TTC3: variants seen among roughly 807,000 people sequenced by gnomAD.
The protein encoded by TTC3 is E3 ubiquitin-protein ligase TTC3.
Under a neutral mutation model 249.6 loss-of-function variants are expected in TTC3, and 180 were observed. The ratio of observed to expected loss-of-function variants is 0.72; its 90% CI spans 0.64 to 0.82. The LOEUF is 0.82. TTC3 is among the 40% of genes least tolerant of loss of function. The pLI is 0.00. For synonymous variants in TTC3, 717 were observed against 805.0 expected (o/e 0.89, Z 1.85); for missense variants, 2,061 against 2,398.4 (o/e 0.86, Z 2.94).
intron 44 of TTC3, among the ~76,000 whole-genome samples, chr21:37,199,184 G>T (rs1354147693): frequency 6.6e-6 from 1 of 152,170 alleles, no homozygotes; most frequent in Non-Finnish European, 1.5e-5. Flanking sequence ...CAGCCTTGGG[G>T]TGATGCCTCC....
At position 37,088,737 on chromosome 21, in the gene TTC3, A is replaced by G. The variant is rs149871254; in HGVS notation, c.339-62A>G. ...TGGTTTGAGATATATAGCTAAGCAT[A>G]AAGTTCAATGAATTTGTATATATGA... On this transcript the variant is annotated intron_variant, in intron 4 of 45. Transcript: ENST00000355666. 3.8e-4 allele frequency: 549 copies of G among 1,453,198 alleles called. 3 individuals carry two copies. The African/African-American group carries it at 5.7e-3, about 15-fold the overall frequency. 90.0% of individuals were successfully genotyped at this position (1,453,198 alleles called of 1,614,324 possible).
intron 37 of TTC3, among the ~76,000 whole-genome samples, chr21:37,186,357 G>T (rs767325216): frequency 2.0e-5 from 3 of 151,988 alleles, no homozygotes; most frequent in Non-Finnish European, 2.9e-5. Flanking sequence ...TTTTCCCTTT[G>T]GGTTCTGTCC....
intron 15 of TTC3, among the ~76,000 whole-genome samples, chr21:37,127,197 G>T (rs1370197824): frequency 2.0e-5 from 3 of 152,128 alleles, no homozygotes; most frequent in Non-Finnish European, 4.4e-5. Flanking sequence ...TTCATGAGGG[G>T]ACAGCCTCAT....
intron 1 of TTC3, among the ~76,000 whole-genome samples, chr21:37,074,159 CA>C (rs138121931): frequency 0.053 from 7,994 of 152,246 alleles, 493 homozygotes; most frequent in African/African-American, 0.13. Flanking sequence ...GGAACGGACC[CA>C]GGAGGGGGGT....
chr21:37,117,835 C>CAAAAAAAAAAAAAAAAA (rs60664616), intron 11 of TTC3, among the ~76,000 whole-genome samples: 2 of 73,448 alleles, frequency 2.7e-5, no homozygotes, highest in African/African-American at 8.5e-5. Flanking sequence ...TGCGCCACTT[C>CAAAAAAAAAAAAAAAAA]AAAAAAAAAA....
At chr21:37,168,164 A>C (rs2081412662) in intron 34 of TTC3, among the ~76,000 whole-genome samples, 3 of 152,312 alleles carry the variant, frequency 2.0e-5, no homozygotes, top group Admixed American at 1.3e-4. Flanking sequence ...GTCTTGACCA[A>C]AACTAGTAAG....
intron 11 of TTC3, among the ~76,000 whole-genome samples, chr21:37,113,801 C>A (rs369430400): frequency 1.3e-5 from 2 of 152,202 alleles, no homozygotes; most frequent in Non-Finnish European, 2.9e-5. Flanking sequence ...TACAAGGCTA[C>A]AGTAACTAAA....
chr21:37,180,350 T>C (rs2082638669), intron 35 of TTC3, among the ~76,000 whole-genome samples: 1 of 152,168 alleles, frequency 6.6e-6, no homozygotes, highest in Non-Finnish European at 1.5e-5. Flanking sequence ...CTTTATCTGC[T>C]TAGCATTCTT....
chr21:37,197,509 G>A (rs2085046122), intron 42 of TTC3, 61 bp from the exon 43 acceptor site: 2 of 1,598,324 alleles, frequency 1.3e-6, no homozygotes, highest in African/African-American at 2.7e-5. Flanking sequence ...ATATTGGCAT[G>A]TAATATTTCT....
intron 1 of TTC3, among the ~76,000 whole-genome samples, chr21:37,074,411 G>A (rs895909875): frequency 1.3e-5 from 2 of 152,322 alleles, no homozygotes; most frequent in East Asian, 3.9e-4. Context: ...TTCCAGTGGC[G>A]CCCTGGACGC....
chr21:37,174,255 T>C (rs192028758), intron 35 of TTC3, among the ~76,000 whole-genome samples: 49 of 152,342 alleles, frequency 3.2e-4, no homozygotes, highest in African/African-American at 1.1e-3. Context: ...TTGTTAAGGC[T>C]TTGAGTCTGC....
intron 20 of TTC3, among the ~76,000 whole-genome samples, chr21:37,142,483 A>C (rs1438942333): frequency 6.6e-6 from 1 of 152,238 alleles, no homozygotes; most frequent in African/African-American, 2.4e-5. Context: ...CCAAATCATG[A>C]GTGAACTCCC....
chr21:37,165,498 A>C (rs939882827), intron 32 of TTC3, 52 bp from the exon 33 acceptor site: 1 of 1,383,514 alleles, frequency 7.2e-7, no homozygotes, highest in African/African-American at 1.5e-5. Flanking sequence ...TCAAATAGAC[A>C]TATTCAAGTA....
chr21:37,182,688 G>A, intron 35 of TTC3, 86 bp from the exon 36 acceptor site: 5 of 1,320,080 alleles, frequency 3.8e-6, no homozygotes, highest in Non-Finnish European at 5.1e-6. Flanking sequence ...TTTAAGCTAT[G>A]GCACCGTCAC....
chr21:37,121,397 C>T (rs2835609), intron 11 of TTC3: 19,256 of 155,956 alleles, frequency 0.12, 1,331 homozygotes, highest in Non-Finnish European at 0.14. Context: ...AAAAACTTCT[C>T]GATTTCCAGG....
intron 20 of TTC3, among the ~76,000 whole-genome samples, chr21:37,142,858 G>A (rs188146269): frequency 0.026 from 3,953 of 152,244 alleles, 89 homozygotes; most frequent in Non-Finnish European, 0.037. Context: ...CTACAAGGCT[G>A]CAGTAACCAA....
At chr21:37,077,338 G>A (rs1176629848) in intron 1 of TTC3, among the ~76,000 whole-genome samples, 1 of 151,942 alleles carries the variant, frequency 6.6e-6, no homozygotes, top group Non-Finnish European at 1.5e-5. Flanking sequence ...AAAAAAGGTT[G>A]AAATACCACC....
At chr21:37,134,269 GCGAAA>G (rs2077724302) in intron 17 of TTC3, among the ~76,000 whole-genome samples, 1 of 152,084 alleles carries the variant, frequency 6.6e-6, no homozygotes. Flanking sequence ...GGCCATCATG[GCGAAA>G]CCCCATCTCT....
At chr21:37,113,435 A>G (rs935381644) in intron 11 of TTC3, among the ~76,000 whole-genome samples, 51 of 152,336 alleles carry the variant, frequency 3.3e-4, no homozygotes, top group African/African-American at 1.1e-3. Flanking sequence ...CCCATTCGCT[A>G]TTGCTTCAAA....
Sources: allele counts gnomAD v4.1 joint callset (sites outside exome capture counted in the v4.1 genomes callset), GRCh38; gene constraint gnomAD v4.1.1; transcripts MANE v1.5; gene names NCBI Gene and HGNC (gene_info 2026-07-23, HGNC 2026-07-21).